Variants in DGKZ observed in about 807,000 individuals in gnomAD.
DGKZ encodes the protein diacylglycerol kinase zeta.
DGKZ carries 45 observed loss-of-function variants against 142.5 expected under a neutral mutation model. The observed-to-expected ratio is 0.32, with a 90% CI of 0.25 to 0.40. The LOEUF (loss-of-function observed/expected upper bound fraction) is 0.40, where lower values mean the gene tolerates loss of function less well. Among genes scored for constraint, DGKZ ranks in the 10% least tolerant of loss-of-function variants. DGKZ has a pLI of 1.00. For missense variants in DGKZ, 755 were observed against 1,306.5 expected, an observed-to-expected ratio of 0.58 and a Z score of 6.51; for synonymous variants, 442 against 527.0, an observed-to-expected ratio of 0.84 and a Z score of 2.21.
At chr11:46,361,071 A>C (rs987074019) in intron 1 of DGKZ, among the ~76,000 whole-genome samples, 10 of 152,246 alleles carry the variant, frequency 6.6e-5, no homozygotes, top group African/African-American at 2.2e-4. Flanking sequence ...TGCTGTCTGC[A>C]CAGGGGAAAT....
chr11:46,378,911 C>A (rs1299798378), intron 27 of DGKZ, 80 bp from the exon 28 acceptor site: 9 of 1,487,654 alleles, frequency 6.0e-6, no homozygotes, highest in Admixed American at 2.3e-5. Flanking sequence ...CTGGTGTACC[C>A]GGCTGTGGGC....
At chr11:46,374,264 A>G (rs1464075197) in intron 15 of DGKZ, 29 bp downstream of exon 15, 10 of 1,613,518 alleles carry the variant, frequency 6.2e-6, no homozygotes, top group Non-Finnish European at 8.5e-6. Flanking sequence ...AGGCCAGGGC[A>G]GGGTGGGCAC....
Position 46,380,069 on chromosome 11 carries a change from C to T in DGKZ, c.*122C>T, listed in dbSNP as rs1015441087. The T allele has an allele frequency of 4.0e-6, 4 of 1,011,026 alleles. No individual in the cohort carries two copies. The African/African-American group carries it at 4.9e-5, about 12-fold the overall frequency. 62.6% of individuals were successfully genotyped at this position (1,011,026 alleles called of 1,614,324 possible). Reference sequence around the variant, plus strand: ...GGGACCTAGGCCCCAGGGAAAGAGCCCCATGCCGCCCCCTAAGGAGCCGCC... The same window carrying T: ...GGGACCTAGGCCCCAGGGAAAGAGCTCCATGCCGCCCCCTAAGGAGCCGCC... On this transcript the variant is annotated 3_prime_UTR_variant, in exon 31 of 31. Coordinates refer to ENST00000527911, the Ensembl canonical transcript of DGKZ.
intron 28 of DGKZ, 31 bp downstream of exon 28, chr11:46,379,142 G>A: frequency 6.2e-7 from 1 of 1,611,332 alleles, no homozygotes; most frequent in Non-Finnish European, 8.5e-7. Context: ...CAGGGCCTGG[G>A]GCCAAGGTGG....
chr11:46,337,287 CTTT>C (rs948859545), intron 1 of DGKZ, among the ~76,000 whole-genome samples: 1 of 86,300 alleles, frequency 1.2e-5, no homozygotes, highest in Non-Finnish European at 2.4e-5. Context: ...TAAATGGGTT[CTTT>C]TTTTTTTTTT....
At position 46,347,536 on chromosome 11, in the gene DGKZ, G is replaced by A. The variant is rs1408988645; in HGVS notation, c.-124G>A. ...TGGGGAGCGGGGGCGCGCGGCGCGG[G>A]GCGGGCGGAGCGAGCGCGCGCCATG... On this transcript the variant is annotated 5_prime_UTR_variant, in exon 1 of 31. Transcript: ENST00000527911. The surrounding 1 kb of genome is among the most constrained non-coding windows in gnomAD (Gnocchi z 6.4). The A allele has an allele frequency of 4.1e-6, 4 of 983,192 alleles. No individual in the cohort carries two copies. The highest frequency in any genetic ancestry group is 1.8e-5 in the African/African-American group (1 of 56,556). The allele number at this position is 983,192 out of a possible 1,614,324, so 60.9% of individuals were successfully genotyped here.
chr11:46,378,352 C>T (rs1489961436), intron 26 of DGKZ, 105 bp from the exon 27 acceptor site: 31 of 1,540,688 alleles, frequency 2.0e-5, no homozygotes, highest in African/African-American at 5.5e-5. Context: ...CACGCACCAA[C>T]GGAGCCCTGG....
chr11:46,346,648 T>A (rs978390485), upstream of DGKZ, among the ~76,000 whole-genome samples: 10 of 152,074 alleles, frequency 6.6e-5, no homozygotes, highest in African/African-American at 1.9e-4. Flanking sequence ...GAGAAAGGTG[T>A]GTGTTCTGTG....
chr11:46,356,042 G>C (rs1021819909), intron 1 of DGKZ, among the ~76,000 whole-genome samples: 1 of 152,192 alleles, frequency 6.6e-6, no homozygotes, highest in Non-Finnish European at 1.5e-5. Flanking sequence ...CACCCGCCCG[G>C]CCAGGGTGTT....
At chr11:46,366,957 GA>G in intron 1 of DGKZ, 1 of 1,536,882 alleles carries the variant, frequency 6.5e-7, no homozygotes, top group Non-Finnish European at 8.7e-7. Context: ...AAGGCGGCCG[GA>G]CCCCAGGCCT....
Position 46,352,399 on chromosome 11 carries a change from AG to A in DGKZ, c.161+4580del, listed in dbSNP as rs539037967. ...CGGGGACCCACAGGCACTCGCTGGA[AG>A]TTACCTGCAGCTCTAGCTGCCGGGC... On this transcript the variant is annotated intron_variant, in intron 1 of 30. Transcript: ENST00000527911. 2.8e-3 allele frequency among the ~76,000 whole-genome samples: 426 copies of A among 152,270 alleles called. 6 individuals are homozygous for A. The highest frequency in any genetic ancestry group is 2.3e-3 in the Non-Finnish European group (159 of 67,986).
At chr11:46,373,285 G>GTTTTTTTTTTTTTTTT (rs961769830) in intron 14 of DGKZ, among the ~76,000 whole-genome samples, 184 bp downstream of exon 14, 4 of 115,372 alleles carry the variant, frequency 3.5e-5, no homozygotes, top group African/African-American at 7.0e-5. Flanking sequence ...TTTTTTTTTT[G>GTTTTTTTTTTTTTTTT]TTTTTTTTTT....
At position 46,374,468 on chromosome 11, in the gene DGKZ, G is replaced by A. The variant is rs1345132687; in HGVS notation, c.1461+14G>A. 2 of 1,613,814 alleles carry A rather than the reference G, an allele frequency of 1.2e-6. No homozygotes were observed. Among genetic ancestry groups the A allele is most frequent in the Non-Finnish European group, 1.7e-6 (2 of 1,180,012 alleles). On this transcript the variant is annotated intron_variant, in intron 16 of 30. Coordinates refer to ENST00000527911, the Ensembl canonical transcript of DGKZ. The stretch of plus-strand genomic sequence containing the variant: ...TTCTACGCCGGGGTGAGTGGGGTCT[G>A]CACCCCCGCCTGTGCCCACCTCTTC...
intron 1 of DGKZ, among the ~76,000 whole-genome samples, chr11:46,348,330 G>A (rs910123466): frequency 2.6e-5 from 4 of 152,340 alleles, no homozygotes; most frequent in Admixed American, 1.3e-4. Context: ...TAGCCCCGTT[G>A]ATACCGTCAC....
upstream of DGKZ, among the ~76,000 whole-genome samples, chr11:46,346,843 G>A (rs2136390439): frequency 1.3e-5 from 2 of 152,330 alleles, no homozygotes; most frequent in African/African-American, 4.8e-5. Flanking sequence ...GTGAATAGCT[G>A]TGGAAGGATG....
chr11:46,367,478 G>A lies in DGKZ; in HGVS notation c.270+79G>A. 6.7e-7 allele frequency: 1 copy of A among 1,503,618 alleles called. No individual in the cohort carries two copies. The highest frequency in any genetic ancestry group is 9.1e-7 in the Non-Finnish European group (1 of 1,099,532). The allele number at this position is 1,503,618 out of a possible 1,614,324, so 93.1% of individuals were successfully genotyped here. ...GCAGCTGGCGGGTGGAGGCACTAAA[G>A]GCAGCTGGGAGAGCCAAGCCTGGAA... On this transcript the variant is annotated intron_variant, in intron 2 of 30. Coordinates refer to ENST00000527911, the Ensembl canonical transcript of DGKZ. This position sits in a 1 kb window ranked among gnomAD's most constrained non-coding sequence, Gnocchi z 4.1.
chr11:46,379,659 G>T, intron 30 of DGKZ, 91 bp downstream of exon 30: 1 of 1,350,050 alleles, frequency 7.4e-7, no homozygotes. Flanking sequence ...GGCTGTCCCT[G>T]GGAAGACACA....
intron 1 of DGKZ, chr11:46,365,585 A>G (rs1943159180): frequency 1.0e-6 from 1 of 985,204 alleles, no homozygotes; most frequent in Non-Finnish European, 1.2e-6. Flanking sequence ...TGAGCTACAC[A>G]TTAGACCCTC....
intron 1 of DGKZ, among the ~76,000 whole-genome samples, chr11:46,363,293 G>T (rs896486691): frequency 9.2e-5 from 14 of 152,196 alleles, no homozygotes; most frequent in African/African-American, 3.4e-4. Flanking sequence ...GCGGGGAGGG[G>T]CATGGGAGCA....
Sources: gnomAD v4.1 joint callset for allele counts (sites outside exome capture counted in the v4.1 genomes callset) on GRCh38, gnomAD v4.1.1 for gene constraint, Gnocchi (gnomAD v3.1) non-coding constraint, MANE v1.5 for transcripts, NCBI Gene and HGNC (gene_info 2026-07-23, HGNC 2026-07-21) for gene names.